Variants in USP45 observed in about 807,000 individuals in gnomAD.
USP45 encodes ubiquitin specific peptidase 45.
Under a neutral mutation model 95.8 loss-of-function variants are expected in USP45, and 89 were observed. The observed-to-expected ratio is 0.93, with a 90% CI of 0.78 to 1.11. The LOEUF (loss-of-function observed/expected upper bound fraction) is 1.11. USP45 is among the 50% of genes least tolerant of loss of function. The pLI is 0.00. For synonymous variants in USP45, 281 were observed against 316.2 expected, an observed-to-expected ratio of 0.89 and a Z score of 1.18; for missense variants, 898 against 942.5, an observed-to-expected ratio of 0.95 and a Z score of 0.62.
chr6:99,476,292 C>T, intron 8 of USP45, 62 bp from the exon 9 acceptor site: 3 of 1,491,160 alleles, frequency 2.0e-6, no homozygotes, highest in South Asian at 1.1e-5. Flanking sequence ...TTCATCAACA[C>T]TCTTCTCTAA....
upstream of USP45, among the ~76,000 whole-genome samples, chr6:99,515,770 C>T (rs1313451636): frequency 2.1e-4 from 19 of 88,464 alleles, no homozygotes; most frequent in African/African-American, 6.7e-4. Context: ...CCTCTGAACT[C>T]TTTTTTTTTT....
chr6:99,447,524 T>A (rs1412191088), intron 13 of USP45, among the ~76,000 whole-genome samples: 1 of 152,142 alleles, frequency 6.6e-6, no homozygotes, highest in Non-Finnish European at 1.5e-5. Flanking sequence ...TACTAACAGT[T>A]GGTAAACAAA....
At position 99,446,172 on chromosome 6, in the gene USP45, G is replaced by C; in HGVS notation, c.1600C>G (p.Leu534Val). Residue 534 changes from leucine (L) to valine (V), a missense_variant, in exon 14 of 18, where the codon CTT (leucine) becomes GTT (valine). Leu to Val is a conservative substitution (Grantham distance 32). Transcript: ENST00000500704. The part of the protein sequence containing the change: ...SGSGVQPDGP[L>V]YPLSAGKLLY... ...AGTTTACCTGCTGACAGAGGGTAAA[G>C]GGGTCCATCTGGCTGCACACCGGAT... The C allele has an allele frequency of 3.7e-6, 6 of 1,614,154 alleles. No homozygotes were observed. Among genetic ancestry groups the C allele is most frequent in the Non-Finnish European group, 5.1e-6 (6 of 1,180,042 alleles).
At chr6:99,499,411 A>G (rs73760079) in intron 5 of USP45, among the ~76,000 whole-genome samples, 9,070 of 152,148 alleles carry the variant, frequency 0.06, 805 homozygotes, top group African/African-American at 0.2. Context: ...TTCATATTTG[A>G]TTTTCCAAAT....
intron 9 of USP45, among the ~76,000 whole-genome samples, chr6:99,472,877 T>C (rs537475969): frequency 6.6e-6 from 1 of 152,352 alleles, no homozygotes; most frequent in South Asian, 2.1e-4. Context: ...CAGTATTTTA[T>C]AGAATTAGAA....
intron 13 of USP45, among the ~76,000 whole-genome samples, chr6:99,457,925 A>G (rs1034882096): frequency 2.6e-5 from 4 of 152,198 alleles, no homozygotes; most frequent in Admixed American, 6.5e-5. Context: ...AGTGAAATAT[A>G]AAAGTACCCC....
intron 5 of USP45, among the ~76,000 whole-genome samples, chr6:99,496,915 C>T (rs1309080578): frequency 6.6e-6 from 1 of 152,094 alleles, no homozygotes; most frequent in Non-Finnish European, 1.5e-5. Context: ...ACTGATGAAC[C>T]TGCACTGACA....
intron 7 of USP45, among the ~76,000 whole-genome samples, chr6:99,486,017 C>T (rs571052956): frequency 4.8e-4 from 73 of 152,264 alleles, no homozygotes; most frequent in African/African-American, 1.7e-3. Context: ...ATCGTACCTT[C>T]GTATGTAATA....
chr6:99,451,262 C>T (rs1783784106), intron 13 of USP45, among the ~76,000 whole-genome samples: 1 of 152,308 alleles, frequency 6.6e-6, no homozygotes, highest in Non-Finnish European at 1.5e-5. Context: ...TTGCAGATGA[C>T]ATGACTGTAT....
intron 9 of USP45, among the ~76,000 whole-genome samples, chr6:99,472,052 C>G (rs1789525903): frequency 6.6e-6 from 1 of 152,068 alleles, no homozygotes; most frequent in African/African-American, 2.4e-5. Flanking sequence ...CCCAATGCAC[C>G]ATTACGACTA....
intron 13 of USP45, among the ~76,000 whole-genome samples, chr6:99,448,440 A>G (rs1245886088): frequency 6.6e-6 from 1 of 152,228 alleles, no homozygotes; most frequent in Non-Finnish European, 1.5e-5. Flanking sequence ...AAAGGATATC[A>G]GTGATTGAAG....
In USP45 at chr6:99,508,783, C is replaced by T. The variant is rs1460065187; in HGVS notation, c.101-1G>A. Reference sequence around the variant, plus strand: ...CTTACATGTTGGCAAGTTAAACCTACTGAATAAGATAAAACAAAATCTCAA... The same window carrying T: ...CTTACATGTTGGCAAGTTAAACCTATTGAATAAGATAAAACAAAATCTCAA... On this transcript the variant is annotated splice_acceptor_variant, in intron 2 of 17. Transcript: ENST00000500704. LOFTEE classifies it high-confidence loss of function. 1 of 1,607,974 alleles carries T rather than the reference C, an allele frequency of 6.2e-7. No individual in the cohort carries two copies. Among genetic ancestry groups the T allele is most frequent in the Admixed American group, 1.7e-5 (1 of 58,994 alleles).
At chr6:99,477,606 C>A (rs1004908659) in intron 8 of USP45, among the ~76,000 whole-genome samples, 4 of 152,216 alleles carry the variant, frequency 2.6e-5, no homozygotes, top group African/African-American at 9.7e-5. Flanking sequence ...AGCCATCACG[C>A]CCGGCCAAGT....
At chr6:99,464,993 G>T in intron 12 of USP45, 87 bp downstream of exon 12, 1 of 1,161,126 alleles carries the variant, frequency 8.6e-7, no homozygotes, top group South Asian at 1.7e-5. Flanking sequence ...ATGACTCTCA[G>T]ATATCTGGTA....
At chr6:99,495,243 A>C (rs995952172) in intron 5 of USP45, among the ~76,000 whole-genome samples, 2 of 152,256 alleles carry the variant, frequency 1.3e-5, no homozygotes, top group African/African-American at 4.8e-5. Flanking sequence ...ATAAAAGAGC[A>C]AGTATACAAA....
intron 13 of USP45, among the ~76,000 whole-genome samples, chr6:99,450,109 C>A (rs1783510164): frequency 6.6e-6 from 1 of 151,806 alleles, no homozygotes; most frequent in Admixed American, 6.6e-5. Flanking sequence ...CCTAACATCA[C>A]AATTAAAAGA....
intron 8 of USP45, among the ~76,000 whole-genome samples, chr6:99,478,041 T>C (rs1224727433): frequency 6.6e-6 from 1 of 152,038 alleles, no homozygotes; most frequent in African/African-American, 2.4e-5. Context: ...ACTAGCCAAG[T>C]GGTAGGTAGG....
At chr6:99,513,796 T>C (rs1167131456) in intron 1 of USP45, among the ~76,000 whole-genome samples, 1 of 152,230 alleles carries the variant, frequency 6.6e-6, no homozygotes, top group Non-Finnish European at 1.5e-5. Context: ...ATTATTTATC[T>C]GTAGTTTTCC....
At position 99,437,404 on chromosome 6, in the gene USP45, TAAAC is replaced by T. The variant is rs768003526; in HGVS notation, c.2161-9_2161-6del. 7 of 1,575,494 alleles carry T rather than the reference TAAAC, an allele frequency of 4.4e-6. No individual in the cohort carries two copies. Among genetic ancestry groups the T allele is most frequent in the Non-Finnish European group, 6.0e-6 (7 of 1,169,358 alleles). ...TTTATCTCCCACACTTGCATTCTTTTAAACAAAGAAAAAAACCCAAATTAGTAAT... is the reference window on the plus strand; with the variant it reads ...TTTATCTCCCACACTTGCATTCTTTTAAAGAAAAAAACCCAAATTAGTAAT... On this transcript the variant is annotated splice_polypyrimidine_tract_variant and splice_region_variant and intron_variant, in intron 16 of 17. Transcript: ENST00000500704.
Sources: gnomAD v4.1 joint callset for allele counts (sites outside exome capture counted in the v4.1 genomes callset) on GRCh38, gnomAD v4.1.1 for gene constraint, MANE v1.5 for transcripts, NCBI Gene and HGNC (gene_info 2026-07-23, HGNC 2026-07-21) for gene names.